Variants in ADPGK observed in about 807,000 individuals in gnomAD.
ADPGK encodes the protein ADP dependent glucokinase, also known as ADP-dependent glucokinase.
In ADPGK, 26 loss-of-function variants were observed where a neutral mutation model predicts 42.4. That is an observed-to-expected ratio of 0.61 (90% confidence interval 0.45 to 0.85). The LOEUF (loss-of-function observed/expected upper bound fraction) is 0.85, where lower values mean the gene tolerates loss of function less well. Among genes scored for constraint, ADPGK ranks in the 40% least tolerant of loss-of-function variants. The pLI, the probability that ADPGK is intolerant of heterozygous loss-of-function variation, is 0.00. For synonymous variants in ADPGK, 267 were observed against 252.6 expected (o/e 1.06, Z -0.54); for missense variants, 571 against 627.0 (o/e 0.91, Z 0.95).
chr15:72,760,570 T>C, intron 3 of ADPGK, 43 bp from the exon 4 acceptor site: 2 of 1,571,622 alleles, frequency 1.3e-6, no homozygotes, highest in Non-Finnish European at 1.7e-6. Context: ...CCCCGTTCCT[T>C]TCCCCACAGA....
intron 3 of ADPGK, among the ~76,000 whole-genome samples, chr15:72,764,508 T>C (rs199939474): frequency 2.0e-5 from 3 of 151,958 alleles, no homozygotes; most frequent in East Asian, 3.9e-4. Flanking sequence ...CTAGCAGAGG[T>C]TGGTTCATGA....
Position 72,752,213 on chromosome 15 carries a change from G to A in ADPGK, c.*128C>T, listed in dbSNP as rs1484878678. On this transcript the variant is annotated 3_prime_UTR_variant, in exon 7 of 7. Coordinates refer to ENST00000456471, the MANE Select transcript of ADPGK (RefSeq NM_001365225.1). ...AAATGTTTTTATGGAGTTGCCAACA[G>A]GCTGGAATGTACCTGATACAGTTTA... 4 of 935,612 alleles carry A rather than the reference G, an allele frequency of 4.3e-6. No homozygotes were observed. The highest frequency in any genetic ancestry group is 6.2e-6 in the Non-Finnish European group (4 of 644,258). 58.0% of individuals were successfully genotyped at this position (935,612 alleles called of 1,614,324 possible). A position where few individuals can be genotyped will look rare whatever the true frequency, so the allele number is the denominator to read the frequency against.
At chr15:72,759,122 G>A (rs1431852108) in intron 4 of ADPGK, among the ~76,000 whole-genome samples, 1 of 152,112 alleles carries the variant, frequency 6.6e-6, no homozygotes, top group Non-Finnish European at 1.5e-5. Flanking sequence ...ATTTTTAGTA[G>A]AGACGGGGTT....
rs1431450206 is a variant in ADPGK, at chr15:72,752,446, G to A, written c.1389C>T (p.His463=). ...CTTTACACACCAATACTGGTGTGAA[G>A]TGGAAGGATATTCCCTCTCTGTGCC... The part of the protein sequence containing the change: ...VEWHREGISF[H]FTPVLVCKDP... Residue 463 remains histidine (H), a synonymous_variant, in exon 7 of 7, where the codon CAC becomes CAT. Coordinates refer to ENST00000456471, the MANE Select transcript of ADPGK (RefSeq NM_001365225.1). The A allele has an allele frequency of 6.2e-7, 1 of 1,614,132 alleles. No individual in the cohort carries two copies. The highest frequency in any genetic ancestry group is 1.3e-5 in the African/African-American group (1 of 74,934).
chr15:72,782,364 A>G (rs951928734), intron 1 of ADPGK, among the ~76,000 whole-genome samples: 3 of 151,980 alleles, frequency 2.0e-5, no homozygotes, highest in African/African-American at 7.3e-5. Context: ...AAAAAATAAA[A>G]TAAATAAAAA....
At chr15:72,774,763 C>G in intron 2 of ADPGK, 109 bp downstream of exon 2, 3 of 945,144 alleles carry the variant, frequency 3.2e-6, no homozygotes, top group Non-Finnish European at 3.2e-6. Context: ...GGTGATTTTG[C>G]TCCCCTCCTC....
chr15:72,768,560 C>T (rs1409065032), intron 3 of ADPGK, among the ~76,000 whole-genome samples: 4 of 151,852 alleles, frequency 2.6e-5, no homozygotes, highest in South Asian at 2.1e-4. Flanking sequence ...CCCAGCTACT[C>T]GGGAGGCTGA....
intron 3 of ADPGK, among the ~76,000 whole-genome samples, chr15:72,761,438 A>G (rs1380532021): frequency 6.6e-6 from 1 of 152,236 alleles, no homozygotes; most frequent in East Asian, 1.9e-4. Flanking sequence ...TATGAGAATT[A>G]AAGAGCATCC....
Position 72,758,394 on chromosome 15 carries a change from G to A in ADPGK, c.644-1947C>T, listed in dbSNP as rs898467629. ...GGATTCCCAGCCCAAGCCTGACAAT[G>A]GGCTTCTCTGGGGAGATCTGGTAAG... On this transcript the variant is annotated intron_variant, in intron 4 of 6. Coordinates refer to ENST00000456471, the MANE Select transcript of ADPGK (RefSeq NM_001365225.1). The A allele has an allele frequency of 3.7e-5, 20 of 546,864 alleles. No individual in the cohort carries two copies. The African/African-American group carries it at 3.8e-4, about 10-fold the overall frequency. 33.9% of individuals were successfully genotyped at this position (546,864 alleles called of 1,614,324 possible). A position where few individuals can be genotyped will look rare whatever the true frequency, so the allele number is the denominator to read the frequency against.
chr15:72,755,831 C>T lies in ADPGK; in HGVS notation c.841-177G>A. On this transcript the variant is annotated intron_variant, in intron 5 of 6. Transcript: ENST00000456471. ...CTCTGTGGACAAGGGACACTCTTCC[C>T]ACCAGGGAAGACTAGGCTGTGCAGA... 4.6e-6 allele frequency: 3 copies of T among 652,520 alleles called. No homozygotes were observed. The South Asian group carries it at 5.0e-5, about 11-fold the overall frequency. The allele number at this position is 652,520 out of a possible 1,614,324, so 40.4% of individuals were successfully genotyped here.
At chr15:72,783,322 G>A (rs1043822066) in intron 1 of ADPGK, 137 bp downstream of exon 1, 10 of 1,277,746 alleles carry the variant, frequency 7.8e-6, no homozygotes, top group South Asian at 2.7e-5. Context: ...TCAGACGTCC[G>A]ACACTTCTCG....
rs2151100376 is a variant in ADPGK at position 72,783,609 on chromosome 15, G to A, written c.83C>T (p.Pro28Leu). 4 of 1,516,420 alleles carry A rather than the reference G, an allele frequency of 2.6e-6. No individual in the cohort carries two copies. Among genetic ancestry groups the A allele is most frequent in the Non-Finnish European group, 3.5e-6 (4 of 1,140,206 alleles). The allele number at this position is 1,516,420 out of a possible 1,614,324, so 93.9% of individuals were successfully genotyped here. ...CCAGAGAGAGCGCAGCGCCGAGCCT[G>A]GCAGCTCTGGCTCCAGCAGGAAGAC... ...GCVFLLEPELPGSALRSLWSS... is the reference protein window; with the variant it reads ...GCVFLLEPELLGSALRSLWSS... Residue 28 changes from proline to leucine, a missense_variant, in exon 1 of 7, where the codon CCA (proline) becomes CTA (leucine). Around this residue, in one of 2 missense-constraint regions of ADPGK, gnomAD observed 137 missense variants for 104.2 expected, o/e 1.31. Transcript: ENST00000456471.
intron 3 of ADPGK, among the ~76,000 whole-genome samples, chr15:72,770,665 T>C (rs1256670608): frequency 6.6e-6 from 1 of 152,232 alleles, no homozygotes; most frequent in African/African-American, 2.4e-5. Flanking sequence ...AAAGTCTTTA[T>C]TTTCTTTTTA....
At chr15:72,775,266 T>C in intron 1 of ADPGK, 169 bp from the exon 2 acceptor site, 1 of 612,168 alleles carries the variant, frequency 1.6e-6, no homozygotes, top group Non-Finnish European at 2.9e-6. Flanking sequence ...AAAATTACTT[T>C]AACTGGATTT....
At chr15:72,770,524 T>C (rs560775712) in intron 3 of ADPGK, among the ~76,000 whole-genome samples, 92 of 152,316 alleles carry the variant, frequency 6.0e-4, no homozygotes, top group Non-Finnish European at 1.2e-3. Context: ...GCCTGGGCTC[T>C]CTCTAAAGGG....
chr15:72,758,330 A>AGCCAG (rs1196002924), intron 4 of ADPGK: 1 of 646,926 alleles, frequency 1.5e-6, no homozygotes, highest in Non-Finnish European at 2.8e-6. Flanking sequence ...TCCTGCCCTC[A>AGCCAG]GCCAGTAAGT....
At chr15:72,758,918 TC>T (rs2066152397) in intron 4 of ADPGK, among the ~76,000 whole-genome samples, 1 of 152,086 alleles carries the variant, frequency 6.6e-6, no homozygotes, top group African/African-American at 2.4e-5. Flanking sequence ...CAGTCCACAG[TC>T]AGGTCATTCT....
intron 6 of ADPGK, among the ~76,000 whole-genome samples, chr15:72,754,885 G>A (rs763530809): frequency 6.9e-4 from 105 of 152,160 alleles, no homozygotes; most frequent in Non-Finnish European, 1.2e-3. Flanking sequence ...TCTTATACTT[G>A]TACAAAAGAA....
At chr15:72,763,465 C>T (rs1242212646) in intron 3 of ADPGK, among the ~76,000 whole-genome samples, 3 of 151,870 alleles carry the variant, frequency 2.0e-5, no homozygotes, top group Non-Finnish European at 4.4e-5. Flanking sequence ...GGATTACAGG[C>T]GTGAGCCACC....
Sources: gnomAD v4.1 joint callset for allele counts (sites outside exome capture counted in the v4.1 genomes callset) on GRCh38, gnomAD v4.1.1 for gene constraint, gnomAD v4.1.1 regional missense constraint, MANE v1.5 for transcripts, NCBI Gene and HGNC (gene_info 2026-07-23, HGNC 2026-07-21) for gene names.